Variants in ZNF438 observed in about 807,000 individuals in gnomAD.
ZNF438 encodes the protein zinc finger protein 438.
A neutral mutation model predicts 38.0 loss-of-function variants in ZNF438; 25 were observed. The observed-to-expected ratio is 0.66, with a 90% CI of 0.48 to 0.92. The LOEUF is 0.92. Among genes scored for constraint, ZNF438 ranks in the 40% least tolerant of loss-of-function variants. The pLI is 0.00. For missense variants in ZNF438, 1,007 were observed against 999.6 expected (o/e 1.01, Z -0.10); for synonymous variants, 372 against 364.1 (o/e 1.02, Z -0.25).
intron 4 of ZNF438, among the ~76,000 whole-genome samples, chr10:30,853,792 T>G (rs2034126555): frequency 6.7e-6 from 1 of 148,506 alleles, no homozygotes; most frequent in Admixed American, 6.7e-5. Context: ...AGGTCAGGAG[T>G]TTGAGACCAG....
intron 4 of ZNF438, among the ~76,000 whole-genome samples, chr10:30,871,860 C>T (rs1035691326): frequency 2.6e-5 from 4 of 152,172 alleles, no homozygotes; most frequent in Non-Finnish European, 5.9e-5. Flanking sequence ...CAGCTAACTG[C>T]AGTGGGTCCA....
At chr10:30,964,887 T>C (rs1217055381) in intron 1 of ZNF438, among the ~76,000 whole-genome samples, 2 of 152,154 alleles carry the variant, frequency 1.3e-5, no homozygotes, top group Admixed American at 1.3e-4. Flanking sequence ...TTCTGGACAC[T>C]GGCCTTGGCA....
chr10:31,029,049 G>A (rs767410811), intron 1 of ZNF438, among the ~76,000 whole-genome samples: 13 of 152,168 alleles, frequency 8.5e-5, no homozygotes, highest in Non-Finnish European at 1.6e-4. Flanking sequence ...CATATTCACA[G>A]GCATGCATAC....
At chr10:30,895,196 A>G (rs3006598) in intron 3 of ZNF438, among the ~76,000 whole-genome samples, 29,535 of 152,058 alleles carry the variant, frequency 0.19, 3,172 homozygotes, top group African/African-American at 0.27. Context: ...TTGTTTTCCT[A>G]TATTTGCCCA....
chr10:30,899,916 T>C (rs911159659), intron 3 of ZNF438, among the ~76,000 whole-genome samples: 4 of 152,242 alleles, frequency 2.6e-5, no homozygotes, highest in East Asian at 1.9e-4. Flanking sequence ...TAAAATTATA[T>C]ACTTTCTTAT....
At chr10:30,935,706 T>A (rs1342428124) in intron 2 of ZNF438, among the ~76,000 whole-genome samples, 1 of 152,188 alleles carries the variant, frequency 6.6e-6, no homozygotes, top group Non-Finnish European at 1.5e-5. Context: ...CAGTTCCATG[T>A]AGCTGGAGAG....
chr10:31,019,407 T>C (rs1395262823), intron 1 of ZNF438, among the ~76,000 whole-genome samples: 1 of 152,214 alleles, frequency 6.6e-6, no homozygotes, highest in Non-Finnish European at 1.5e-5. Flanking sequence ...TTTGCAACCT[T>C]GGGATGACGA....
At chr10:31,008,739 A>C (rs1031031280) in intron 1 of ZNF438, among the ~76,000 whole-genome samples, 1 of 152,178 alleles carries the variant, frequency 6.6e-6, no homozygotes, top group Non-Finnish European at 1.5e-5. Flanking sequence ...ACTAGCATTT[A>C]TGTATAAGTT....
intron 1 of ZNF438, among the ~76,000 whole-genome samples, chr10:31,004,258 C>T (rs1393393616): frequency 6.6e-6 from 1 of 152,146 alleles, no homozygotes; most frequent in Non-Finnish European, 1.5e-5. Context: ...CTGAAGATGA[C>T]AAACTCTGGG....
At chr10:31,013,695 T>C (rs1050443860) in intron 1 of ZNF438, among the ~76,000 whole-genome samples, 5 of 152,214 alleles carry the variant, frequency 3.3e-5, no homozygotes, top group Non-Finnish European at 5.9e-5. Context: ...CTTATGGATC[T>C]GATGCCATCA....
At chr10:30,881,988 G>GT (rs377508100) in intron 3 of ZNF438, among the ~76,000 whole-genome samples, 1 of 152,210 alleles carries the variant, frequency 6.6e-6, no homozygotes, top group African/African-American at 2.4e-5. Context: ...AGAAAATACT[G>GT]TGCCCTTTAG....
At chr10:31,027,350 T>C (rs571508343) in intron 1 of ZNF438, among the ~76,000 whole-genome samples, 1 of 152,272 alleles carries the variant, frequency 6.6e-6, no homozygotes, top group African/African-American at 2.4e-5. Context: ...TATATAAAAG[T>C]ACTCATAAAA....
At chr10:30,990,250 A>G (rs945215499) in intron 1 of ZNF438, among the ~76,000 whole-genome samples, 7 of 152,234 alleles carry the variant, frequency 4.6e-5, no homozygotes, top group Non-Finnish European at 8.8e-5. Context: ...AATAAGAAAT[A>G]AGGACATGTA....
chr10:30,990,862 C>CA (rs1564807930), intron 1 of ZNF438, among the ~76,000 whole-genome samples: 2 of 146,046 alleles, frequency 1.4e-5, no homozygotes. Context: ...GAAGATATAT[C>CA]TTTTTTTTTT....
Position 30,849,024 on chromosome 10 carries a change from G to A in ZNF438, c.1381C>T (p.Leu461Phe), listed in dbSNP as rs540375774. The A allele has an allele frequency of 2.0e-4, 326 of 1,614,154 alleles. No homozygotes were observed. Among genetic ancestry groups the A allele is most frequent in the Admixed American group, 4.3e-4 (26 of 60,026 alleles). ...AAAACATCCTGTCCTAGGCCCCCAA[G>A]CATCTGGGACTGTAGTGTAGTTGGA... The change falls in exon 5 of 6, where the codon CTT becomes TTT. Residue 461 changes from leucine to phenylalanine, a missense_variant. Physicochemically the swap from Leu to Phe is conservative, Grantham distance 22. Coordinates refer to ENST00000413025, the Ensembl canonical transcript of ZNF438.
At position 31,023,930 on chromosome 10, in the gene ZNF438, T is replaced by C. The variant is rs576443837; in HGVS notation, c.-192+7903A>G. On this transcript the variant is annotated intron_variant, in intron 1 of 5. Transcript: ENST00000413025. ...AACCCTACATAAAAACGTCTCTGCC[T>C]GTTTAAAGGACTGTCTTCTGCAAGC... is the stretch of plus-strand genomic sequence containing the variant. 2.1e-4 allele frequency among the ~76,000 whole-genome samples: 32 copies of C among 152,348 alleles called. 1 individual carries two copies. The highest frequency in any genetic ancestry group is 6.8e-3 in the Middle Eastern group (2 of 294).
At chr10:30,947,831 C>T (rs572993176) in intron 1 of ZNF438, among the ~76,000 whole-genome samples, 1 of 152,216 alleles carries the variant, frequency 6.6e-6, no homozygotes, top group African/African-American at 2.4e-5. Flanking sequence ...GGAAAGGGAA[C>T]TCCCTGACCC....
At chr10:30,853,878 C>T (rs555119804) in intron 4 of ZNF438, among the ~76,000 whole-genome samples, 2 of 152,238 alleles carry the variant, frequency 1.3e-5, no homozygotes, top group Non-Finnish European at 2.9e-5. Context: ...GCCTGTAATC[C>T]CAGCTACTTG....
intron 2 of ZNF438, among the ~76,000 whole-genome samples, chr10:30,933,935 A>G (rs1248899482): frequency 1.3e-5 from 2 of 152,132 alleles, no homozygotes; most frequent in Non-Finnish European, 2.9e-5. Flanking sequence ...TCACGAGGTC[A>G]GGAGATCGAG....
Sources: gnomAD v4.1 joint callset for allele counts (sites outside exome capture counted in the v4.1 genomes callset) on GRCh38, gnomAD v4.1.1 for gene constraint, MANE v1.5 for transcripts, NCBI Gene and HGNC (gene_info 2026-07-23, HGNC 2026-07-21) for gene names.